Variants in STK3 observed in about 807,000 individuals in gnomAD.
STK3 encodes the protein serine/threonine kinase 3, also known as serine/threonine-protein kinase 3.
STK3 carries 41 observed loss-of-function variants against 58.0 expected under a neutral mutation model. The ratio of observed to expected loss-of-function variants is 0.71; its 90% CI spans 0.55 to 0.92. The LOEUF (loss-of-function observed/expected upper bound fraction) is 0.92, where lower values mean the gene tolerates loss of function less well. Among genes scored for constraint, STK3 ranks in the 40% least tolerant of loss-of-function variants. The probability of loss-of-function intolerance (pLI) is 0.00; values close to 1 mark genes in which losing one functional copy is unlikely to be tolerated. For missense variants in STK3, 479 were observed against 602.7 expected, an observed-to-expected ratio of 0.79 and a Z score of 2.15; for synonymous variants, 170 against 191.0, an observed-to-expected ratio of 0.89 and a Z score of 0.91.
At chr8:98,799,005 C>T (rs1281091374) in intron 1 of STK3, among the ~76,000 whole-genome samples, 1 of 152,188 alleles carries the variant, frequency 6.6e-6, no homozygotes, top group East Asian at 1.9e-4. Flanking sequence ...ACCAAACCTG[C>T]TGGCAGCTTG....
intron 6 of STK3, among the ~76,000 whole-genome samples, chr8:98,673,948 T>C (rs947712703): frequency 1.3e-5 from 2 of 152,174 alleles, no homozygotes; most frequent in African/African-American, 4.8e-5. Flanking sequence ...TTAAAATAAA[T>C]ATACATAGGT....
chr8:98,669,622 G>A (rs1236202541), intron 6 of STK3, among the ~76,000 whole-genome samples: 1 of 151,994 alleles, frequency 6.6e-6, no homozygotes, highest in Non-Finnish European at 1.5e-5. Flanking sequence ...GTTCTCTTAG[G>A]GTGCTTCATA....
chr8:98,666,127 C>G (rs1428474674), intron 6 of STK3, among the ~76,000 whole-genome samples: 1 of 151,532 alleles, frequency 6.6e-6, no homozygotes, highest in Non-Finnish European at 1.5e-5. Flanking sequence ...ACTCCTCATT[C>G]AAATGGCATT....
chr8:98,765,605 C>T (rs977634118), intron 3 of STK3, among the ~76,000 whole-genome samples: 1 of 152,314 alleles, frequency 6.6e-6, no homozygotes, highest in East Asian at 1.9e-4. Context: ...AAAGCCCCTT[C>T]CCTGCTTCTT....
intron 1 of STK3, among the ~76,000 whole-genome samples, chr8:98,909,335 A>T (rs187984269): frequency 3.3e-5 from 5 of 152,202 alleles, no homozygotes; most frequent in Non-Finnish European, 2.9e-5. Flanking sequence ...TTATCGACAG[A>T]TGTTGAATTT....
chr8:98,855,019 T>C (rs1156966139), intron 3 of STK3, among the ~76,000 whole-genome samples: 1 of 152,210 alleles, frequency 6.6e-6, no homozygotes, highest in East Asian at 1.9e-4. Context: ...ATTACGCCAC[T>C]GCATTCCAGC....
At chr8:98,357,484 G>A in the STK3 span, among the ~76,000 whole-genome samples, 146 of 152,328 alleles carry the variant, frequency 9.6e-4, no homozygotes, top group African/African-American at 3.4e-3. Flanking sequence ...ATAGCACACC[G>A]TACCTCATGC....
chr8:98,842,572 G>A (rs1836037669), intron 3 of STK3, among the ~76,000 whole-genome samples: 1 of 152,152 alleles, frequency 6.6e-6, no homozygotes, highest in Non-Finnish European at 1.5e-5. Context: ...CAGATACTCA[G>A]GAAACTGAGG....
At chr8:98,847,409 C>G (rs1410834562) in intron 3 of STK3, among the ~76,000 whole-genome samples, 1 of 152,172 alleles carries the variant, frequency 6.6e-6, no homozygotes, top group African/African-American at 2.4e-5. Flanking sequence ...TAACCAAAGC[C>G]AAAGATCTGC....
intron 1 of STK3, among the ~76,000 whole-genome samples, chr8:98,806,297 GA>G (rs373844147): frequency 2.1e-4 from 31 of 149,088 alleles, no homozygotes; most frequent in African/African-American, 6.1e-4. Context: ...GCCTTTATGG[GA>G]AAAAAAAAAT....
Position 98,571,823 on chromosome 8 carries a change from A to G in STK3, c.948+7841T>C, listed in dbSNP as rs140272379. Reference sequence around the variant, plus strand: ...CCATTTTTTGCTCAACATTTCACTTAAAATTCTTCTACATCCATTTAACTC... The same window carrying G: ...CCATTTTTTGCTCAACATTTCACTTGAAATTCTTCTACATCCATTTAACTC... On this transcript the variant is annotated intron_variant, in intron 8 of 10. Coordinates refer to ENST00000419617, the MANE Select transcript of STK3 (RefSeq NM_006281.4). Among the ~76,000 whole-genome samples the G allele has an allele frequency of 9.6e-3, 1,469 of 152,338 alleles. 17 individuals are homozygous for G. Among genetic ancestry groups the G allele is most frequent in the Admixed American group, 0.016 (242 of 15,302 alleles).
chr8:98,837,334 G>A (rs1270260752), intron 3 of STK3, among the ~76,000 whole-genome samples: 2 of 142,876 alleles, frequency 1.4e-5, no homozygotes, highest in Non-Finnish European at 3.0e-5. Context: ...AAGTGCTGTA[G>A]TTCAGGCTGA....
At position 98,863,879 on chromosome 8, in the gene STK3, G is replaced by A. The variant is rs370541685; in HGVS notation, c.110+19768C>T. On this transcript the variant is annotated intron_variant, in intron 3 of 12. Coordinates refer to the STK3 transcript ENST00000523601. ...TGGCAAATGGAAGTTGTTGGGTGGG[G>A]CTTCTAGGAAAGCTCCTTAAAAAAA... Among the ~76,000 whole-genome samples the A allele has an allele frequency of 3.9e-5, 6 of 152,178 alleles. No individual in the cohort carries two copies. The South Asian group carries it at 1.2e-3, about 32-fold the overall frequency.
intron 7 of STK3, among the ~76,000 whole-genome samples, chr8:98,582,698 C>A (rs917968635): frequency 6.6e-6 from 1 of 152,020 alleles, no homozygotes; most frequent in African/African-American, 2.4e-5. Context: ...CATTTGTGGG[C>A]ATTTAATTCT....
intron 10 of STK3, among the ~76,000 whole-genome samples, chr8:98,484,891 A>G (rs1007516273): frequency 6.6e-5 from 10 of 152,220 alleles, no homozygotes; most frequent in Non-Finnish European, 1.0e-4. Context: ...CACAATGAAT[A>G]TGATCTTTTT....
intron 6 of STK3, among the ~76,000 whole-genome samples, chr8:98,607,610 A>G (rs1563797304): frequency 6.6e-6 from 1 of 152,244 alleles, no homozygotes; most frequent in Admixed American, 6.5e-5. Context: ...TACCTGCTAC[A>G]TAATGAAGTA....
chr8:98,868,477 G>T (rs1206943268), intron 3 of STK3, among the ~76,000 whole-genome samples: 1 of 152,152 alleles, frequency 6.6e-6, no homozygotes, highest in African/African-American at 2.4e-5. Context: ...CCACTCAGTG[G>T]GTTCTGCCAC....
At chr8:98,843,893 T>A (rs1278103602) in intron 3 of STK3, among the ~76,000 whole-genome samples, 1 of 152,196 alleles carries the variant, frequency 6.6e-6, no homozygotes, top group Admixed American at 6.6e-5. Context: ...GGTGCATGCC[T>A]GTAATCCCAG....
At chr8:98,523,706 GTT>G (rs1165987198) in intron 10 of STK3, among the ~76,000 whole-genome samples, 1 of 147,860 alleles carries the variant, frequency 6.8e-6, no homozygotes, top group Non-Finnish European at 1.5e-5. Flanking sequence ...GACTGTTTGG[GTT>G]TTTTTTTTGT....
Sources: gnomAD v4.1 joint callset for allele counts (sites outside exome capture counted in the v4.1 genomes callset) on GRCh38, gnomAD v4.1.1 for gene constraint, MANE v1.5 for transcripts, NCBI Gene and HGNC (gene_info 2026-07-23, HGNC 2026-07-21) for gene names.